The following DNAH11 variants were observed in gnomAD, a reference collection of about 807,000 sequenced individuals.
DNAH11 encodes dynein axonemal heavy chain 11.
DNAH11 carries 442 observed loss-of-function variants against 526.0 expected under a neutral mutation model. The ratio of observed to expected loss-of-function variants is 0.84; its 90% CI spans 0.78 to 0.91. DNAH11 has a LOEUF of 0.91. Ranked by LOEUF, DNAH11 falls within the 40% of genes least tolerant of loss-of-function variation. The pLI is 0.00. For synonymous variants in DNAH11, 2,461 were observed against 1,935.9 expected (o/e 1.27, Z -7.12); for missense variants, 6,989 against 5,448.7 (o/e 1.28, Z -8.90).
At chr7:21,863,663 T>C in intron 69 of DNAH11, among the ~76,000 whole-genome samples, 1 of 152,184 alleles carries the variant, frequency 6.6e-6, no homozygotes, top group Non-Finnish European at 1.5e-5. Context: ...GGGATGATAA[T>C]ACATGACATG....
intron 77 of DNAH11, among the ~76,000 whole-genome samples, chr7:21,893,169 G>C (rs1039588057): frequency 7.2e-5 from 11 of 152,178 alleles, no homozygotes; most frequent in Non-Finnish European, 1.6e-4. Flanking sequence ...AACTCCCAAA[G>C]GCATCCATTC....
At chr7:21,594,300 T>C (rs959247628) in intron 14 of DNAH11, among the ~76,000 whole-genome samples, 1 of 152,178 alleles carries the variant, frequency 6.6e-6, no homozygotes, top group Non-Finnish European at 1.5e-5. Flanking sequence ...ATTATGTATC[T>C]TGTCTTTGCA....
chr7:21,627,903 A>C (rs1786419420), intron 25 of DNAH11, among the ~76,000 whole-genome samples: 1 of 152,136 alleles, frequency 6.6e-6, no homozygotes, highest in Non-Finnish European at 1.5e-5. Context: ...CCAATCCATG[A>C]GCGTGGAATA....
rs369681389 is a variant in DNAH11 at position 21,635,922 on chromosome 7, C to T, written c.4552C>T (p.Gln1518Ter). The T allele has an allele frequency of 2.5e-6, 4 of 1,613,140 alleles. No individual in the cohort carries two copies. In the Admixed American group the frequency reaches 5.0e-5, roughly 20 times the overall value. ...QSKYVEYFIE[Q>*]VLSWQNKLNI... is the part of the protein sequence containing the mutation. The stretch of plus-strand genomic sequence containing the variant: ...CAAGTATGTAGAATATTTCATTGAG[C>T]AAGTGTTAAGCTGGCAAAATAAATT... The change falls in exon 26 of 82, where the codon CAA becomes TAA. Residue 1518 changes from glutamine to a stop codon, truncating the protein, a stop_gained. Coordinates refer to ENST00000409508, the MANE Select transcript of DNAH11 (RefSeq NM_001277115.2). LOFTEE classifies it high-confidence loss of function.
Position 21,892,590 on chromosome 7 carries a change from C to G in DNAH11, c.12673C>G (p.Leu4225Val), listed in dbSNP as rs777887934. The G allele has an allele frequency of 1.1e-5, 17 of 1,613,978 alleles. 2 individuals are homozygous for G. In the South Asian group the frequency reaches 1.2e-4, roughly 11 times the overall value. The stretch of plus-strand genomic sequence containing the variant: ...ATTCCTGACAGTGACATCCAACACT[C>G]TCTTCAGAACTTTGCTGGAGATGCA... The part of the protein sequence containing the change: ...IEFLTVTSNT[L>V]FRTLLEMQPR... The change falls in exon 77 of 82, where the codon CTC (leucine) becomes GTC (valine). Residue 4225 changes from leucine to valine, a missense_variant. Coordinates refer to ENST00000409508, the MANE Select transcript of DNAH11 (RefSeq NM_001277115.2).
Position 21,842,528 on chromosome 7 carries a change from G to A in DNAH11, c.10692-16G>A. ...TCATAGGAGTCTCCTGAAAGTCTGT[G>A]TTTTGCTCCGTTTAGGTATATCAGG... On this transcript the variant is annotated splice_polypyrimidine_tract_variant and intron_variant, in intron 65 of 81. Coordinates refer to ENST00000409508, the MANE Select transcript of DNAH11 (RefSeq NM_001277115.2). The A allele has an allele frequency of 6.2e-7, 1 of 1,609,532 alleles. No homozygotes were observed. The highest frequency in any genetic ancestry group is 8.5e-7 in the Non-Finnish European group (1 of 1,176,820).
intron 74 of DNAH11, among the ~76,000 whole-genome samples, chr7:21,878,032 A>G (rs1045451386): frequency 5.9e-5 from 9 of 152,320 alleles, no homozygotes; most frequent in African/African-American, 2.2e-4. Context: ...GTAATTGATC[A>G]TTGTGCATAT....
chr7:21,820,835 C>G (rs1192358667), intron 65 of DNAH11, among the ~76,000 whole-genome samples: 1 of 152,180 alleles, frequency 6.6e-6, no homozygotes, highest in African/African-American at 2.4e-5. Context: ...ACTTGAGAAT[C>G]ATGATCATAA....
chr7:21,765,890 A>C (rs1433944417), intron 55 of DNAH11, among the ~76,000 whole-genome samples: 1 of 152,212 alleles, frequency 6.6e-6, no homozygotes, highest in African/African-American at 2.4e-5. Context: ...CTGGAAGCCC[A>C]GGATCATTAC....
At chr7:21,633,061 C>G (rs995954623) in intron 25 of DNAH11, among the ~76,000 whole-genome samples, 3 of 152,158 alleles carry the variant, frequency 2.0e-5, no homozygotes, top group African/African-American at 7.2e-5. Context: ...CTGGCGATCT[C>G]CCCTTTTTAA....
chr7:21,863,628 A>T (rs1783160381), intron 69 of DNAH11, among the ~76,000 whole-genome samples: 1 of 152,172 alleles, frequency 6.6e-6, no homozygotes, highest in Non-Finnish European at 1.5e-5. Context: ...TTTTGTATGT[A>T]CTGCTCATTA....
rs758992685 is a variant in DNAH11, at chr7:21,789,305, C to T, written c.9989C>T (p.Ala3330Val). 5.6e-5 allele frequency: 88 copies of T among 1,576,082 alleles called. No individual in the cohort carries two copies. Among genetic ancestry groups the T allele is most frequent in the Non-Finnish European group, 7.4e-5 (86 of 1,160,424 alleles). Residue 3330 changes from alanine to valine, a missense_variant, in exon 61 of 82, where the codon GCT becomes GTT. Transcript: ENST00000409508. ...LAQANLELAA[A>V]TEKLEAIRKK... ...CAAGCAAACTTAGAACTGGCTGCAGCTACTGAAAAACTAGAGGCTATCAGG... is the reference window on the plus strand; with the variant it reads ...CAAGCAAACTTAGAACTGGCTGCAGTTACTGAAAAACTAGAGGCTATCAGG...
intron 62 of DNAH11, among the ~76,000 whole-genome samples, chr7:21,803,261 T>A (rs1356565511): frequency 6.6e-6 from 1 of 152,176 alleles, no homozygotes; most frequent in African/African-American, 2.4e-5. Flanking sequence ...AATGGGAGCT[T>A]ATTTTTCACA....
At chr7:21,840,309 A>G (rs748120827) in intron 65 of DNAH11, among the ~76,000 whole-genome samples, 4 of 152,280 alleles carry the variant, frequency 2.6e-5, no homozygotes, top group African/African-American at 7.2e-5. Flanking sequence ...CTGGAAGTCA[A>G]TGAGATAGGC....
At chr7:21,682,259 G>A (rs1251201999) in intron 31 of DNAH11, among the ~76,000 whole-genome samples, 1 of 152,128 alleles carries the variant, frequency 6.6e-6, no homozygotes, top group African/African-American at 2.4e-5. Context: ...GGGCATGGTG[G>A]CTCACGCCTG....
chr7:21,678,980 A>G (rs892736306), intron 30 of DNAH11, among the ~76,000 whole-genome samples: 2 of 152,192 alleles, frequency 1.3e-5, no homozygotes, highest in African/African-American at 4.8e-5. Flanking sequence ...AAAAAACCCA[A>G]GTATTCATTA....
At chr7:21,714,002 G>A (rs975452238) in intron 42 of DNAH11, among the ~76,000 whole-genome samples, 2 of 152,134 alleles carry the variant, frequency 1.3e-5, no homozygotes, top group Non-Finnish European at 2.9e-5. Flanking sequence ...ACCACAGTGC[G>A]TGGCAGCATT....
intron 55 of DNAH11, among the ~76,000 whole-genome samples, chr7:21,765,790 C>T (rs905404773): frequency 1.3e-5 from 2 of 151,708 alleles, no homozygotes; most frequent in Non-Finnish European, 2.9e-5. Flanking sequence ...ACCTTTTTTC[C>T]ACCATACATA....
chr7:21,820,614 G>A (rs1354445061), intron 65 of DNAH11, among the ~76,000 whole-genome samples: 2 of 152,146 alleles, frequency 1.3e-5, no homozygotes, highest in African/African-American at 4.8e-5. Context: ...AGAGAAGGAT[G>A]TGGACTGGGA....
Sources: gnomAD v4.1 joint callset for allele counts (sites outside exome capture counted in the v4.1 genomes callset) on GRCh38, gnomAD v4.1.1 for gene constraint, MANE v1.5 for transcripts, NCBI Gene and HGNC (gene_info 2026-07-23, HGNC 2026-07-21) for gene names.